Variants in CRYBG3 observed in about 807,000 individuals in gnomAD.
CRYBG3 encodes the protein very large A-kinase anchor protein.
A neutral mutation model predicts 244.2 loss-of-function variants in CRYBG3; 127 were observed. That is an observed-to-expected ratio of 0.52 (90% confidence interval 0.45 to 0.60). The LOEUF is 0.60. CRYBG3 is among the 20% of genes least tolerant of loss of function. CRYBG3 has a pLI of 0.00. For synonymous variants in CRYBG3, 1,132 were observed against 1,195.8 expected (o/e 0.95, Z 1.10); for missense variants, 3,325 against 3,442.5 (o/e 0.97, Z 0.85).
intron 17 of CRYBG3, among the ~76,000 whole-genome samples, chr3:97,929,052 A>C (rs902401573): frequency 6.6e-5 from 10 of 151,962 alleles, no homozygotes; most frequent in African/African-American, 2.2e-4. Context: ...TTTGTATTGA[A>C]ATTTTCATTT....
At chr3:97,909,400 T>G (rs1171599338) in intron 15 of CRYBG3, among the ~76,000 whole-genome samples, 7 of 149,868 alleles carry the variant, frequency 4.7e-5, no homozygotes, top group African/African-American at 1.7e-4. Flanking sequence ...AGACATAGAT[T>G]TGGTCTTTTC....
chr3:97,881,321 T>A (rs2039444542), intron 7 of CRYBG3, 102 bp downstream of exon 7: 1 of 750,574 alleles, frequency 1.3e-6, no homozygotes, highest in Admixed American at 3.4e-5. Flanking sequence ...CTAATTTTTG[T>A]GCTGTTATTA....
At chr3:97,845,875 T>C (rs1052304174) in intron 2 of CRYBG3, among the ~76,000 whole-genome samples, 11 of 152,172 alleles carry the variant, frequency 7.2e-5, no homozygotes, top group Non-Finnish European at 1.5e-4. Context: ...TTCCTTTTGG[T>C]CTGTTATTCT....
In CRYBG3 at chr3:97,825,082, A is replaced by G. The variant is rs547907527; in HGVS notation, c.149+2727A>G. ...CATTCCAGACTGAGCAAAGGCCTGC[A>G]AGGGGTTTATGATCTGTTAGGGGAT... On this transcript the variant is annotated intron_variant, in intron 1 of 21. Transcript: ENST00000389622. Among the ~76,000 whole-genome samples, 21 of 152,298 alleles carry G rather than the reference A, an allele frequency of 1.4e-4. No individual in the cohort carries two copies. In the South Asian group the frequency reaches 3.9e-3, roughly 29 times the overall value.
intron 10 of CRYBG3, among the ~76,000 whole-genome samples, chr3:97,890,947 G>T (rs1464840007): frequency 6.6e-6 from 1 of 152,078 alleles, no homozygotes; most frequent in Admixed American, 6.6e-5. Flanking sequence ...ATTTGTTTCT[G>T]ACAATATGTA....
In CRYBG3 at chr3:97,822,273, AG is replaced by A; in HGVS notation, c.68del (p.Ser23IlefsTer34). 6.5e-7 allele frequency: 1 copy of A among 1,531,066 alleles called. No individual in the cohort carries two copies. Among genetic ancestry groups the A allele is most frequent in the Non-Finnish European group, 8.7e-7 (1 of 1,144,828 alleles). 94.8% of individuals were successfully genotyped at this position (1,531,066 alleles called of 1,614,324 possible). ...HSFSRFFAPRSPSRDKEEEEE... is the reference protein window; with the variant it reads ...HSFSRFFAPRXPSRDKEEEEE... ...CTTCTCCCGGTTCTTCGCTCCCCGA[AG>A]TCCTTCCCGGGACAAGGAAGAGGAA... On this transcript the variant is annotated frameshift_variant, in exon 1 of 22. Transcript: ENST00000389622. LOFTEE classifies it high-confidence loss of function.
rs143942444 is a variant in CRYBG3, at chr3:97,908,877, G to A, written c.8005-3290G>A. Among the ~76,000 whole-genome samples, 552 of 152,244 alleles carry A rather than the reference G, an allele frequency of 3.6e-3. 5 individuals are homozygous for A. The highest frequency in any genetic ancestry group is 0.012 in the African/African-American group (516 of 41,524). The stretch of plus-strand genomic sequence containing the variant: ...TTACATTTTGGCATGATTTTGCAGC[G>A]GCTGGTACTGGTTGTTCCTTTCCAT... On this transcript the variant is annotated intron_variant, in intron 15 of 21. Transcript: ENST00000389622.
At chr3:97,911,522 T>C (rs967520787) in intron 15 of CRYBG3, among the ~76,000 whole-genome samples, 1 of 152,226 alleles carries the variant, frequency 6.6e-6, no homozygotes, top group Non-Finnish European at 1.5e-5. Context: ...GGTATTCTTA[T>C]CAGAAAACCG....
intron 8 of CRYBG3, among the ~76,000 whole-genome samples, chr3:97,887,131 T>C (rs2039517603): frequency 6.6e-6 from 1 of 152,208 alleles, no homozygotes; most frequent in Non-Finnish European, 1.5e-5. Flanking sequence ...CACATATGGC[T>C]TTTTTGTTTA....
intron 16 of CRYBG3, among the ~76,000 whole-genome samples, chr3:97,914,250 A>G (rs149300458): frequency 5.3e-5 from 8 of 152,022 alleles, no homozygotes; most frequent in Non-Finnish European, 1.2e-4. Context: ...GAGATCTGCA[A>G]CTCTAATAAG....
At chr3:97,929,008 T>C (rs1197327284) in intron 17 of CRYBG3, among the ~76,000 whole-genome samples, 5 of 152,204 alleles carry the variant, frequency 3.3e-5, no homozygotes, top group African/African-American at 1.2e-4. Context: ...TTATTTTAGT[T>C]GATGGGATGA....
Position 97,916,922 on chromosome 3 carries a change from G to T in CRYBG3, c.8241+1186G>T, listed in dbSNP as rs201536492. On this transcript the variant is annotated intron_variant, in intron 17 of 21. Transcript: ENST00000389622. ...TAATGTGATCTGGCAAGTCTCTGCAGTCTTTGATAATGCTGGAAAAGACAT... is the reference window on the plus strand; with the variant it reads ...TAATGTGATCTGGCAAGTCTCTGCATTCTTTGATAATGCTGGAAAAGACAT... Among the ~76,000 whole-genome samples the T allele has an allele frequency of 7.9e-5, 12 of 152,270 alleles. No homozygotes were observed. In the East Asian group the frequency reaches 2.1e-3, roughly 27 times the overall value.
intron 2 of CRYBG3, among the ~76,000 whole-genome samples, chr3:97,848,426 C>T (rs530500736): frequency 6.1e-4 from 93 of 152,198 alleles, no homozygotes; most frequent in Admixed American, 1.6e-3. Context: ...CTCACCCTCC[C>T]GAGTAGCTGG....
At chr3:97,942,926 T>C (rs2040264330) in intron 21 of CRYBG3, 1 of 313,674 alleles carries the variant, frequency 3.2e-6, no homozygotes, top group Non-Finnish European at 5.7e-6. Flanking sequence ...AAAAACACAG[T>C]ACCTGACATT....
chr3:97,879,687 C>T lies in CRYBG3; in HGVS notation c.6844-17C>T, dbSNP rs745367160. ...CGATGTTTCTTAAAGCTTACTTTTC[C>T]ACTTTTATTATTTCAGAATGTTGAC... On this transcript the variant is annotated splice_polypyrimidine_tract_variant and intron_variant, in intron 4 of 21. Coordinates refer to ENST00000389622, the MANE Select transcript of CRYBG3 (RefSeq NM_153605.4). The T allele has an allele frequency of 1.9e-6, 3 of 1,582,480 alleles. No homozygotes were observed. The highest frequency in any genetic ancestry group is 2.6e-6 in the Non-Finnish European group (3 of 1,160,700).
At chr3:97,937,890 C>T (rs1266806683) in intron 19 of CRYBG3, among the ~76,000 whole-genome samples, 1 of 152,072 alleles carries the variant, frequency 6.6e-6, no homozygotes, top group Non-Finnish European at 1.5e-5. Flanking sequence ...TTAAAGCTTA[C>T]ATTTTTGTTG....
chr3:97,874,751 A>G lies in CRYBG3; in HGVS notation c.3557A>G (p.His1186Arg), dbSNP rs777661603. ...AEHIEARRRA[H>R]DQLLDLKSSL... ...CACATAGAAGCCAGGAGAAGAGCAC[A>G]TGACCAACTTTTGGACCTCAAAAGT... Residue 1186 changes from histidine (H) to arginine (R), a missense_variant, in exon 4 of 22, where the codon CAT becomes CGT. By Grantham distance (29) the His-to-Arg change is conservative. Coordinates refer to ENST00000389622, the MANE Select transcript of CRYBG3 (RefSeq NM_153605.4). 1.3e-6 allele frequency: 2 copies of G among 1,536,000 alleles called. No homozygotes were observed. The highest frequency in any genetic ancestry group is 1.2e-5 in the South Asian group (1 of 84,042).
chr3:97,875,019 G>C lies in CRYBG3; in HGVS notation c.3825G>C (p.Glu1275Asp). The stretch of plus-strand genomic sequence containing the variant: ...TGGAAAACATGTCAGAAGTCAAAGA[G>C]AAGCCCTGTGTTTCACCAACAGTTG... ...QGMENMSEVK[E>D]KPCVSPTVGE... The change falls in exon 4 of 22, where the codon GAG becomes GAC. Residue 1275 changes from glutamate to aspartate, a missense_variant. By Grantham distance (45) the Glu-to-Asp change is conservative. Around this residue, in one of 4 missense-constraint regions of CRYBG3, gnomAD observed 635 missense variants for 771.7 expected, o/e 0.82. Coordinates refer to ENST00000389622, the MANE Select transcript of CRYBG3 (RefSeq NM_153605.4). 2 of 1,535,814 alleles carry C rather than the reference G, an allele frequency of 1.3e-6. No individual in the cohort carries two copies. Among genetic ancestry groups the C allele is most frequent in the Non-Finnish European group, 1.7e-6 (2 of 1,146,782 alleles).
intron 17 of CRYBG3, chr3:97,933,451 G>C (rs1403172649): frequency 1.8e-6 from 1 of 553,368 alleles, no homozygotes; most frequent in South Asian, 1.8e-5. Context: ...TATTATGGCT[G>C]TTTTTATTAT....
Sources: allele counts gnomAD v4.1 joint callset (sites outside exome capture counted in the v4.1 genomes callset), GRCh38; gene constraint gnomAD v4.1.1; regional missense constraint gnomAD v4.1.1; transcripts MANE v1.5; gene names NCBI Gene and HGNC (gene_info 2026-07-23, HGNC 2026-07-21).